The following STARD13 variants were observed in gnomAD, a reference collection of about 807,000 sequenced individuals.
STARD13 encodes stAR-related lipid transfer protein 13.
STARD13 carries 62 observed loss-of-function variants against 106.4 expected under a neutral mutation model. That is an observed-to-expected ratio of 0.58 (90% CI 0.48 to 0.72). STARD13 has a LOEUF of 0.72. Ranked by LOEUF, STARD13 falls within the 30% of genes least tolerant of loss-of-function variation. STARD13 has a pLI of 0.00. For missense variants in STARD13, 1,387 were observed against 1,424.0 expected (o/e 0.97, Z 0.42); for synonymous variants, 565 against 553.0 (o/e 1.02, Z -0.31).
the STARD13 span, among the ~76,000 whole-genome samples, chr13:33,403,527 C>T: frequency 3.3e-5 from 5 of 152,256 alleles, no homozygotes; most frequent in Middle Eastern, 3.4e-3. Flanking sequence ...CTTCAGAGGA[C>T]TCATTTTTCA....
chr13:33,170,552 T>A (rs575020161), intron 1 of STARD13, among the ~76,000 whole-genome samples: 38 of 152,236 alleles, frequency 2.5e-4, no homozygotes, highest in Non-Finnish European at 3.2e-4. Context: ...ATGATTTTTT[T>A]TGTTTGCTTT....
At chr13:33,673,561 T>TTTTTTTTTTTTAA in the STARD13 span, among the ~76,000 whole-genome samples, 1 of 151,372 alleles carries the variant, frequency 6.6e-6, no homozygotes, top group African/African-American at 2.4e-5. Context: ...TTTTTTTTTT[T>TTTTTTTTTTTTAA]GAGACAGAGT....
At chr13:33,106,468 A>T (rs985050956) in intron 13 of STARD13, among the ~76,000 whole-genome samples, 9 of 152,334 alleles carry the variant, frequency 5.9e-5, no homozygotes, top group African/African-American at 2.2e-4. Flanking sequence ...AGTACCTACT[A>T]TGTGTCAGGC....
At chr13:33,488,722 T>C in the STARD13 span, among the ~76,000 whole-genome samples, 1 of 152,248 alleles carries the variant, frequency 6.6e-6, no homozygotes, top group Admixed American at 6.5e-5. Flanking sequence ...GAATATCCTT[T>C]CTTCTCTCCA....
At chr13:33,643,228 G>A in the STARD13 span, among the ~76,000 whole-genome samples, 5 of 151,650 alleles carry the variant, frequency 3.3e-5, no homozygotes, top group Admixed American at 3.3e-4. Flanking sequence ...TTTAGGAAGA[G>A]CTTGACTGTC....
At chr13:33,425,947 A>G in the STARD13 span, among the ~76,000 whole-genome samples, 2 of 152,170 alleles carry the variant, frequency 1.3e-5, no homozygotes, top group African/African-American at 4.8e-5. Flanking sequence ...GTGTCCAAAT[A>G]TATATATTCT....
chr13:33,284,390 A>G (rs1320190043), intron 1 of STARD13, among the ~76,000 whole-genome samples: 2 of 152,230 alleles, frequency 1.3e-5, no homozygotes, highest in Non-Finnish European at 2.9e-5. Flanking sequence ...TTAATATTCA[A>G]TATAATCTTA....
intron 4 of STARD13, among the ~76,000 whole-genome samples, chr13:33,141,598 G>A (rs1879839517): frequency 6.6e-6 from 1 of 152,180 alleles, no homozygotes; most frequent in South Asian, 2.1e-4. Context: ...GGTGAAAGAT[G>A]AGCCAGAGTT....
chr13:33,261,431 C>T (rs766497392), intron 1 of STARD13, among the ~76,000 whole-genome samples: 7 of 152,190 alleles, frequency 4.6e-5, no homozygotes, highest in Non-Finnish European at 8.8e-5. Context: ...AATAAGCCAG[C>T]GCTCCTTTTA....
chr13:33,314,423 C>T (rs536729785), intron 1 of STARD13, among the ~76,000 whole-genome samples: 4 of 152,050 alleles, frequency 2.6e-5, no homozygotes, highest in Non-Finnish European at 4.4e-5. Context: ...TGGGCAATGA[C>T]GAAATGCTTA....
chr13:33,477,532 C>A, the STARD13 span, among the ~76,000 whole-genome samples: 8 of 152,264 alleles, frequency 5.3e-5, no homozygotes, highest in Admixed American at 4.6e-4. Flanking sequence ...CTAAGTGAAC[C>A]CACTTATGGT....
the STARD13 span, among the ~76,000 whole-genome samples, chr13:33,541,019 A>G: frequency 6.6e-6 from 1 of 152,236 alleles, no homozygotes; most frequent in Non-Finnish European, 1.5e-5. Context: ...GGATATTTGC[A>G]AAGGAGTCAA....
the STARD13 span, among the ~76,000 whole-genome samples, chr13:33,502,602 T>G: frequency 3.6e-3 from 543 of 152,364 alleles, 2 homozygotes; most frequent in African/African-American, 0.013. Context: ...GAAGGGCTGT[T>G]GAATTTTGTC....
chr13:33,501,561 G>T, the STARD13 span, among the ~76,000 whole-genome samples: 3 of 152,062 alleles, frequency 2.0e-5, no homozygotes, highest in Non-Finnish European at 4.4e-5. Context: ...TAATTTTTGT[G>T]TAAGGTGTAA....
At chr13:33,465,453 C>T in the STARD13 span, among the ~76,000 whole-genome samples, 1,026 of 152,256 alleles carry the variant, frequency 6.7e-3, 10 homozygotes, top group African/African-American at 0.022. Flanking sequence ...CCACCTGCCT[C>T]GGCCTCCCAA....
chr13:33,259,014 C>G (rs1278189834), intron 1 of STARD13, among the ~76,000 whole-genome samples: 1 of 152,172 alleles, frequency 6.6e-6, no homozygotes, highest in East Asian at 1.9e-4. Flanking sequence ...GGAAGCCTTC[C>G]CTAAGCATTT....
chr13:33,300,242 C>T (rs930968173), intron 1 of STARD13, among the ~76,000 whole-genome samples: 2 of 152,196 alleles, frequency 1.3e-5, no homozygotes, highest in Admixed American at 6.5e-5. Flanking sequence ...GTATATGAAG[C>T]ACTGAGATAT....
the STARD13 span, among the ~76,000 whole-genome samples, chr13:33,487,381 C>A: frequency 3.3e-5 from 5 of 151,994 alleles, no homozygotes; most frequent in African/African-American, 1.2e-4. Context: ...CACATAGACA[C>A]GGAAAAGAAT....
chr13:33,515,616 G>A, the STARD13 span, among the ~76,000 whole-genome samples: 10,465 of 152,118 alleles, frequency 0.069, 938 homozygotes, highest in African/African-American at 0.21. Flanking sequence ...CAGTGTATCA[G>A]CTTGTTGGTA....
Sources: allele counts gnomAD v4.1 joint callset (sites outside exome capture counted in the v4.1 genomes callset), GRCh38; gene constraint gnomAD v4.1.1; transcripts MANE v1.5; gene names NCBI Gene and HGNC (gene_info 2026-07-23, HGNC 2026-07-21).